Variants in BIRC2 observed in about 807,000 individuals in gnomAD.
BIRC2 encodes baculoviral IAP repeat containing 2.
Under a neutral mutation model 60.9 loss-of-function variants are expected in BIRC2, and 18 were observed. The ratio of observed to expected loss-of-function variants is 0.30; its 90% CI spans 0.20 to 0.44. The LOEUF is 0.44. BIRC2 is among the 20% of genes least tolerant of loss of function. The probability of loss-of-function intolerance (pLI) is 1.00; values close to 1 mark genes in which losing one functional copy is unlikely to be tolerated. For missense variants in BIRC2, 701 were observed against 728.5 expected, an observed-to-expected ratio of 0.96 and a Z score of 0.43; for synonymous variants, 282 against 247.7, an observed-to-expected ratio of 1.14 and a Z score of -1.30.
rs533424427 is a variant in BIRC2, at chr11:102,369,097, C to T, written c.1366+549C>T. ...TATTCGTCCAGATAGTATTAAGTCTCGGCCTCTCAAAACAAGTATTTTGAG... is the reference window on the plus strand; with the variant it reads ...TATTCGTCCAGATAGTATTAAGTCTTGGCCTCTCAAAACAAGTATTTTGAG... On this transcript the variant is annotated intron_variant, in intron 6 of 8. Coordinates refer to ENST00000227758, the MANE Select transcript of BIRC2 (RefSeq NM_001166.5). Among the ~76,000 whole-genome samples the T allele has an allele frequency of 1.1e-3, 172 of 151,894 alleles. 2 individuals are homozygous for T. The highest frequency in any genetic ancestry group is 9.8e-3 in the South Asian group (47 of 4,784).
chr11:102,357,431 CT>C lies in BIRC2; in HGVS notation c.996-5462del, dbSNP rs562854324. Among the ~76,000 whole-genome samples the C allele has an allele frequency of 1.7e-3, 256 of 151,742 alleles. 1 individual carries two copies. Among genetic ancestry groups the C allele is most frequent in the Non-Finnish European group, 2.4e-3 (165 of 67,904 alleles). The stretch of plus-strand genomic sequence containing the variant: ...GAGGTCATCTGTTCCTGGGCTTTTT[CT>C]TTGTCAGAAGAGTTATGACTACTGA... On this transcript the variant is annotated intron_variant, in intron 3 of 8. Coordinates refer to ENST00000227758, the MANE Select transcript of BIRC2 (RefSeq NM_001166.5).
intron 3 of BIRC2, among the ~76,000 whole-genome samples, chr11:102,356,074 G>A (rs1183625872): frequency 6.6e-6 from 1 of 151,940 alleles, no homozygotes; most frequent in African/African-American, 2.4e-5. Context: ...AGTCTGATTT[G>A]GATGCCTTTT....
chr11:102,356,976 A>G (rs975938470), intron 3 of BIRC2, among the ~76,000 whole-genome samples: 8 of 152,146 alleles, frequency 5.3e-5, no homozygotes, highest in Non-Finnish European at 1.2e-4. Context: ...GGCTGGTTAT[A>G]TGATTTTTAT....
chr11:102,372,261 A>G (rs1357073543), intron 6 of BIRC2, among the ~76,000 whole-genome samples: 4 of 152,144 alleles, frequency 2.6e-5, no homozygotes, highest in Non-Finnish European at 4.4e-5. Flanking sequence ...TTGTGATATT[A>G]GGGTGTCAAT....
rs1428375053 is a variant in BIRC2, at chr11:102,378,261, AAAGGG to A, written c.*81_*85del. On this transcript the variant is annotated 3_prime_UTR_variant, in exon 9 of 9. Transcript: ENST00000227758. ...GAACACTTGAAGCCATCTAAAGTAAAAAGGGAATTATGAGTTTTTCAATTAGTAAC... is the reference window on the plus strand; with the variant it reads ...GAACACTTGAAGCCATCTAAAGTAAAAATTATGAGTTTTTCAATTAGTAAC... 3 of 1,160,964 alleles carry A rather than the reference AAAGGG, an allele frequency of 2.6e-6. No individual in the cohort carries two copies. The allele number at this position is 1,160,964 out of a possible 1,614,324, so 71.9% of individuals were successfully genotyped here. A position where few individuals can be genotyped will look rare whatever the true frequency, so the allele number is the denominator to read the frequency against.
chr11:102,356,931 A>T (rs1009793300), intron 3 of BIRC2, among the ~76,000 whole-genome samples: 1 of 151,892 alleles, frequency 6.6e-6, no homozygotes, highest in African/African-American at 2.4e-5. Flanking sequence ...TGGCCTCCCA[A>T]ACTGCTGGGA....
chr11:102,377,803 G>C, intron 7 of BIRC2, 53 bp downstream of exon 7: 1 of 1,593,982 alleles, frequency 6.3e-7, no homozygotes. Flanking sequence ...GCCAGATGCG[G>C]TGGCTCAGTT....
chr11:102,363,797 C>T (rs373063830), intron 5 of BIRC2, 81 bp downstream of exon 5: 8 of 1,135,784 alleles, frequency 7.0e-6, no homozygotes, highest in Non-Finnish European at 9.0e-6. Flanking sequence ...TGGCTCATGC[C>T]TGTAATCCCA....
chr11:102,353,961 A>G (rs1951391785), intron 3 of BIRC2, among the ~76,000 whole-genome samples: 1 of 152,094 alleles, frequency 6.6e-6, no homozygotes. Context: ...GTATACCAAA[A>G]TTCGCACATA....
intron 6 of BIRC2, 95 bp from the exon 7 acceptor site, chr11:102,377,401 C>T: frequency 9.1e-7 from 1 of 1,102,286 alleles, no homozygotes; most frequent in Admixed American, 2.9e-5. Flanking sequence ...TTATTTAGTG[C>T]CTAAATTGTT....
chr11:102,352,177 G>C (rs1394346668), intron 3 of BIRC2, among the ~76,000 whole-genome samples: 5 of 150,768 alleles, frequency 3.3e-5, no homozygotes, highest in Admixed American at 6.6e-5. Context: ...GCAGTGGCGC[G>C]ATCTCGGCTC....
chr11:102,368,660 C>G (rs186235805), intron 6 of BIRC2, 112 bp downstream of exon 6: 1 of 1,403,492 alleles, frequency 7.1e-7, no homozygotes, highest in African/African-American at 1.4e-5. Flanking sequence ...TGGTAGCAGT[C>G]CTCCAGTCAT....
At chr11:102,351,417 C>G (rs1251663031) in intron 3 of BIRC2, among the ~76,000 whole-genome samples, 1 of 151,918 alleles carries the variant, frequency 6.6e-6, no homozygotes, top group Admixed American at 6.6e-5. Context: ...GAGTTTGAGA[C>G]CAGCCTGACC....
intron 3 of BIRC2, among the ~76,000 whole-genome samples, chr11:102,358,665 A>T (rs1951449838): frequency 6.6e-6 from 1 of 152,166 alleles, no homozygotes; most frequent in African/African-American, 2.4e-5. Flanking sequence ...GGGTACATAT[A>T]TATATTTACA....
intron 4 of BIRC2, among the ~76,000 whole-genome samples, chr11:102,363,378 C>T (rs1951506960): frequency 6.6e-6 from 1 of 152,132 alleles, no homozygotes; most frequent in South Asian, 2.1e-4. Flanking sequence ...AGCTGAGACC[C>T]TTGGAGAGTA....
rs1309255132 is a variant in BIRC2, at chr11:102,350,728, A to C, written c.874A>C (p.Ser292Arg). Residue 292 changes from serine (S) to arginine (R), a missense_variant, in exon 2 of 9, where the codon AGT becomes CGT. Transcript: ENST00000227758. ...SVPVQPEQLA[S>R]AGFYYVGRND... ...TCCAGTTCAGCCTGAGCAGCTTGCA[A>C]GTGCTGGTTTTTATTATGTGGGTAA... is the stretch of plus-strand genomic sequence containing the variant. 6.2e-7 allele frequency: 1 copy of C among 1,605,974 alleles called. No individual in the cohort carries two copies. The highest frequency in any genetic ancestry group is 2.2e-5 in the East Asian group (1 of 44,838).
At chr11:102,367,852 G>C (rs904354808) in intron 5 of BIRC2, among the ~76,000 whole-genome samples, 6 of 152,100 alleles carry the variant, frequency 3.9e-5, no homozygotes, top group African/African-American at 1.4e-4. Context: ...CACTTGTCTA[G>C]ACCCTGTCCA....
At chr11:102,361,013 T>A (rs1265465727) in intron 3 of BIRC2, among the ~76,000 whole-genome samples, 1 of 152,180 alleles carries the variant, frequency 6.6e-6, no homozygotes, top group Non-Finnish European at 1.5e-5. Flanking sequence ...TGGCAGAGGC[T>A]GCTGGGGACC....
intron 6 of BIRC2, among the ~76,000 whole-genome samples, chr11:102,375,150 G>A (rs534701832): frequency 6.6e-6 from 1 of 152,318 alleles, no homozygotes; most frequent in Admixed American, 6.5e-5. Flanking sequence ...GCTGGGAGCT[G>A]TACACCGGAG....
Sources: allele counts gnomAD v4.1 joint callset (sites outside exome capture counted in the v4.1 genomes callset), GRCh38; gene constraint gnomAD v4.1.1; transcripts MANE v1.5; gene names NCBI Gene and HGNC (gene_info 2026-07-23, HGNC 2026-07-21).